Variants in NFATC1 observed in about 807,000 individuals in gnomAD.
The protein encoded by NFATC1 is nuclear factor of activated T-cells, cytoplasmic 1.
A neutral mutation model predicts 76.0 loss-of-function variants in NFATC1; 22 were observed. The observed-to-expected ratio is 0.29, with a 90% CI of 0.21 to 0.41. NFATC1 has a LOEUF of 0.41. NFATC1 is among the 10% of genes least tolerant of loss of function. The pLI is 1.00. For synonymous variants in NFATC1, 704 were observed against 613.1 expected (o/e 1.15, Z -2.19); for missense variants, 1,357 against 1,337.7 (o/e 1.01, Z -0.23).
chr18:79,422,424 A>G (rs918243391), intron 2 of NFATC1: 1 of 140,564 alleles, frequency 7.1e-6, no homozygotes, highest in African/African-American at 2.7e-5. Context: ...AGTGACTGGA[A>G]CCTGTCCCTG....
At chr18:79,441,400 G>C (rs551197282) in intron 3 of NFATC1, among the ~76,000 whole-genome samples, 4 of 152,270 alleles carry the variant, frequency 2.6e-5, no homozygotes, top group Non-Finnish European at 5.9e-5. Context: ...CCGTGATTTC[G>C]GTTTTGATGT....
chr18:79,467,588 G>A lies in NFATC1; in HGVS notation c.2092+6G>A, dbSNP rs753194409. 2.9e-5 allele frequency: 46 copies of A among 1,613,732 alleles called. No individual in the cohort carries two copies. Among genetic ancestry groups the A allele is most frequent in the African/African-American group, 2.3e-4 (17 of 74,896 alleles). ...CACCTACCTTCCCGCCAACGGTAAC[G>A]CCATCTTTCTAACCGTAAGCCGTGA... On this transcript the variant is annotated splice_donor_region_variant and intron_variant, in intron 8 of 9. Transcript: ENST00000427363.
intron 9 of NFATC1, among the ~76,000 whole-genome samples, chr18:79,525,720 G>A (rs1283530931): frequency 6.6e-6 from 1 of 152,254 alleles, no homozygotes; most frequent in Non-Finnish European, 1.5e-5. Flanking sequence ...CCGCTGGCCA[G>A]GGTTGGATGA....
In NFATC1 at chr18:79,465,212, G is replaced by A. The variant is rs140116838; in HGVS notation, c.1960-2238G>A. ...TGTTTCTTCTTTATCGCTTCCTTCT[G>A]TGTGTATTTAAGTGGCAGTGCTCCC... On this transcript the variant is annotated intron_variant, in intron 7 of 9. Transcript: ENST00000427363. This position sits in a 1 kb window ranked among gnomAD's most constrained non-coding sequence, Gnocchi z 4.2. Among the ~76,000 whole-genome samples the A allele has an allele frequency of 6.8e-4, 104 of 152,218 alleles. No homozygotes were observed. The highest frequency in any genetic ancestry group is 2.4e-3 in the African/African-American group (100 of 41,524).
At chr18:79,475,495 C>T (rs982975937) in intron 8 of NFATC1, among the ~76,000 whole-genome samples, 8 of 149,846 alleles carry the variant, frequency 5.3e-5, no homozygotes, top group African/African-American at 1.7e-4. Context: ...TCACTGTCGA[C>T]GTTGCGATGG....
chr18:79,476,611 T>G (rs1259441923), intron 8 of NFATC1, among the ~76,000 whole-genome samples: 1 of 152,068 alleles, frequency 6.6e-6, no homozygotes, highest in Non-Finnish European at 1.5e-5. Flanking sequence ...GTTTTCACGC[T>G]TCTGTATGTG....
chr18:79,512,261 A>G (rs1373073746), intron 9 of NFATC1, among the ~76,000 whole-genome samples: 1 of 152,108 alleles, frequency 6.6e-6, no homozygotes, highest in East Asian at 1.9e-4. Context: ...AAACTGCGCC[A>G]CAGGCACTGC....
At chr18:79,450,792 G>A (rs1004756189) in intron 4 of NFATC1, among the ~76,000 whole-genome samples, 162 bp from the exon 5 acceptor site, 12 of 152,236 alleles carry the variant, frequency 7.9e-5, no homozygotes, top group African/African-American at 2.2e-4. Flanking sequence ...GCCTCACGTC[G>A]CTGGCTTCAA....
At chr18:79,434,702 G>A (rs1449556402) in intron 3 of NFATC1, among the ~76,000 whole-genome samples, 1 of 152,282 alleles carries the variant, frequency 6.6e-6, no homozygotes, top group Non-Finnish European at 1.5e-5. Context: ...GGGGTGTTCA[G>A]CAGAGTGCCT....
At chr18:79,456,013 G>A (rs970577764) in intron 6 of NFATC1, among the ~76,000 whole-genome samples, 5 of 152,188 alleles carry the variant, frequency 3.3e-5, no homozygotes, top group African/African-American at 7.2e-5. Context: ...CCAAAGGCCC[G>A]GGCCTTTCCA....
chr18:79,514,344 G>A (rs367836023), intron 9 of NFATC1, among the ~76,000 whole-genome samples: 2 of 151,922 alleles, frequency 1.3e-5, no homozygotes, highest in African/African-American at 4.8e-5. Flanking sequence ...AGAGGCTGAC[G>A]TGGGAAGATC....
At chr18:79,424,632 T>TGTCTCTCTGTCTCTCC (rs2086222614) in intron 2 of NFATC1, among the ~76,000 whole-genome samples, 1 of 151,834 alleles carries the variant, frequency 6.6e-6, no homozygotes, top group African/African-American at 2.4e-5. Context: ...TCTCTCCGTC[T>TGTCTCTCTGTCTCTCC]GTCTCTCTGT....
chr18:79,520,930 GGA>G (rs1423394180), intron 9 of NFATC1, among the ~76,000 whole-genome samples: 2 of 113,240 alleles, frequency 1.8e-5, no homozygotes, highest in African/African-American at 3.4e-5. Context: ...TGTGTGTGTG[GGA>G]GGGAGCATCC....
At chr18:79,492,727 A>G (rs1183002137) in intron 9 of NFATC1, among the ~76,000 whole-genome samples, 2 of 137,404 alleles carry the variant, frequency 1.5e-5, no homozygotes, top group Admixed American at 1.5e-4. Flanking sequence ...AAAAAAGATT[A>G]GCTGGGCGTG....
intron 8 of NFATC1, among the ~76,000 whole-genome samples, chr18:79,479,784 C>T (rs1241037624): frequency 6.6e-6 from 1 of 152,252 alleles, no homozygotes; most frequent in African/African-American, 2.4e-5. Context: ...CGCCCTTTGT[C>T]CCTGGCTGTG....
intron 7 of NFATC1, among the ~76,000 whole-genome samples, chr18:79,464,705 TATTTA>T (rs1568994815): frequency 7.4e-5 from 9 of 121,902 alleles, no homozygotes; most frequent in African/African-American, 1.5e-4. Flanking sequence ...TTTATTTATT[TATTTA>T]TTTTTTTTTT....
intron 9 of NFATC1, among the ~76,000 whole-genome samples, chr18:79,526,101 G>A (rs1037515176): frequency 6.6e-6 from 1 of 152,260 alleles, no homozygotes; most frequent in African/African-American, 2.4e-5. Flanking sequence ...GCGTTGTGCC[G>A]AGGCCCCGCA....
chr18:79,500,682 A>G (rs559187470), intron 9 of NFATC1, among the ~76,000 whole-genome samples: 2 of 152,266 alleles, frequency 1.3e-5, no homozygotes, highest in East Asian at 3.9e-4. Flanking sequence ...ATTGCTACTG[A>G]CCCTGCAAAA....
intron 8 of NFATC1, among the ~76,000 whole-genome samples, chr18:79,476,545 T>TCCTGGCC (rs1418586975): frequency 6.6e-6 from 1 of 152,192 alleles, no homozygotes; most frequent in Admixed American, 6.5e-5. Context: ...TGCCGTGCTG[T>TCCTGGCC]CCTGGCCCCG....
Sources: allele counts gnomAD v4.1 joint callset (sites outside exome capture counted in the v4.1 genomes callset), GRCh38; gene constraint gnomAD v4.1.1; non-coding constraint Gnocchi (gnomAD v3.1); transcripts MANE v1.5; gene names NCBI Gene and HGNC (gene_info 2026-07-23, HGNC 2026-07-21).